Variants in RREB1 observed in about 807,000 individuals in gnomAD.
The protein encoded by RREB1 is ras-responsive element-binding protein 1.
A neutral mutation model predicts 117.8 loss-of-function variants in RREB1; 27 were observed. The ratio of observed to expected loss-of-function variants is 0.23; its 90% CI spans 0.17 to 0.32. RREB1 has a LOEUF of 0.32. Among genes scored for constraint, RREB1 ranks in the 10% least tolerant of loss-of-function variants. The pLI is 1.00. For synonymous variants in RREB1, 1,298 were observed against 1,026.7 expected (o/e 1.26, Z -5.05); for missense variants, 2,577 against 2,378.2 (o/e 1.08, Z -1.74).
chr6:7,139,968 TTAAC>T (rs1561739304), intron 1 of RREB1, among the ~76,000 whole-genome samples: 1 of 152,238 alleles, frequency 6.6e-6, no homozygotes, highest in East Asian at 1.9e-4. Flanking sequence ...TCAGTAAACA[TTAAC>T]TACTTTTATC....
At chr6:7,185,521 G>GGCGGAGGTTGC (rs1423709154) in intron 4 of RREB1, among the ~76,000 whole-genome samples, 4 of 152,074 alleles carry the variant, frequency 2.6e-5, no homozygotes, top group Admixed American at 6.5e-5. Context: ...AGTGAGCCAA[G>GGCGGAGGTTGC]ATCGTGCCAC....
chr6:7,238,301 A>G (rs1249737163), intron 10 of RREB1, among the ~76,000 whole-genome samples: 2 of 152,196 alleles, frequency 1.3e-5, no homozygotes, highest in African/African-American at 4.8e-5. Context: ...GCAGTGGCAC[A>G]ATCTCTGCTC....
At chr6:7,164,177 G>T (rs1241625471) in intron 1 of RREB1, among the ~76,000 whole-genome samples, 3 of 152,194 alleles carry the variant, frequency 2.0e-5, no homozygotes, top group Non-Finnish European at 4.4e-5. Flanking sequence ...CTCCATTCTG[G>T]AGAGTTGGCG....
chr6:7,175,013 T>A (rs1482769576), intron 1 of RREB1, among the ~76,000 whole-genome samples: 2 of 152,188 alleles, frequency 1.3e-5, no homozygotes, highest in South Asian at 4.1e-4. Flanking sequence ...TATTTGGAGA[T>A]CTTGGCAGTT....
At chr6:7,167,024 C>G (rs1431184070) in intron 1 of RREB1, among the ~76,000 whole-genome samples, 4 of 152,196 alleles carry the variant, frequency 2.6e-5, no homozygotes, top group African/African-American at 9.7e-5. Flanking sequence ...CCAGAACACT[C>G]CCATTTCTAC....
intron 1 of RREB1, among the ~76,000 whole-genome samples, chr6:7,164,973 G>A (rs1454076619): frequency 1.3e-5 from 2 of 152,198 alleles, no homozygotes; most frequent in Non-Finnish European, 1.5e-5. Context: ...CTAACTTCTC[G>A]GGTTTCTGGA....
intron 1 of RREB1, among the ~76,000 whole-genome samples, chr6:7,128,220 AAC>A (rs1762016962): frequency 6.6e-6 from 1 of 152,156 alleles, no homozygotes; most frequent in African/African-American, 2.4e-5. Flanking sequence ...CATCACTGAA[AAC>A]AGATTGTTTC....
At chr6:7,116,225 C>T (rs1761390954) in intron 1 of RREB1, among the ~76,000 whole-genome samples, 1 of 152,302 alleles carries the variant, frequency 6.6e-6, no homozygotes, top group South Asian at 2.1e-4. Context: ...AATTTCTAGT[C>T]TCAGCTCTTG....
At chr6:7,242,759 C>T (rs1768794708) in intron 11 of RREB1, among the ~76,000 whole-genome samples, 1 of 150,912 alleles carries the variant, frequency 6.6e-6, no homozygotes, top group African/African-American at 2.4e-5. Context: ...GGCTTGTATG[C>T]CTAGGTGGCA....
At chr6:7,142,830 G>T (rs1762675683) in intron 1 of RREB1, among the ~76,000 whole-genome samples, 1 of 152,222 alleles carries the variant, frequency 6.6e-6, no homozygotes, top group Non-Finnish European at 1.5e-5. Flanking sequence ...ACCTTTGGTG[G>T]TCGCTTTTCT....
rs1764803397 is a variant in RREB1 at position 7,181,718 on chromosome 6, A to G, written c.-42-152A>G. The G allele has an allele frequency of 8.7e-6, 6 of 686,410 alleles. 1 individual carries two copies. Among genetic ancestry groups the G allele is most frequent in the South Asian group, 6.7e-5 (4 of 59,974 alleles). The allele number at this position is 686,410 out of a possible 1,614,324, so 42.5% of individuals were successfully genotyped here. ...CTTGGTTTAAATGAAAGCTTCCATC[A>G]CTCTGGGCGTGAATGTGGCCTTTAA... is the stretch of plus-strand genomic sequence containing the variant. On this transcript the variant is annotated intron_variant, in intron 3 of 12. Transcript: ENST00000379938.
chr6:7,239,650 C>A (rs1343857849), intron 10 of RREB1, among the ~76,000 whole-genome samples: 1 of 152,196 alleles, frequency 6.6e-6, no homozygotes, highest in East Asian at 1.9e-4. Flanking sequence ...GCAGGGCTGC[C>A]AAAATGTCCT....
In RREB1 at chr6:7,251,000, T is replaced by C. The variant is rs1174381579; in HGVS notation, c.*2032T>C. 1 of 151,966 alleles carries C rather than the reference T, an allele frequency of 6.6e-6. No individual in the cohort carries two copies. Among genetic ancestry groups the C allele is most frequent in the East Asian group, 1.9e-4 (1 of 5,194 alleles). 9.4% of individuals were successfully genotyped at this position (151,966 alleles called of 1,614,324 possible). A position where few individuals can be genotyped will look rare whatever the true frequency, so the allele number is the denominator to read the frequency against. On this transcript the variant is annotated 3_prime_UTR_variant, in exon 13 of 13. Transcript: ENST00000379938. ...ATTATTATTATTATTACAGTTGTTA[T>C]TGTTGTTTTTGTTGTTATTATTATT...
At chr6:7,219,814 G>C (rs542930102) in intron 8 of RREB1, among the ~76,000 whole-genome samples, 15 of 152,252 alleles carry the variant, frequency 9.9e-5, no homozygotes, top group African/African-American at 3.6e-4. Context: ...TACATACCAG[G>C]GGCCATGTAG....
intron 6 of RREB1, among the ~76,000 whole-genome samples, chr6:7,192,050 A>C (rs967512346): frequency 2.7e-5 from 4 of 147,116 alleles, no homozygotes; most frequent in African/African-American, 1.0e-4. Flanking sequence ...AGTTTGAGAA[A>C]GTTTCTTTCT....
chr6:7,202,467 G>A (rs1766040620), intron 6 of RREB1, among the ~76,000 whole-genome samples: 2 of 152,168 alleles, frequency 1.3e-5, no homozygotes, highest in Admixed American at 6.5e-5. Context: ...TGGGGATTGG[G>A]GTGTATGATT....
intron 1 of RREB1, among the ~76,000 whole-genome samples, chr6:7,130,692 C>G (rs185680127): frequency 6.6e-6 from 1 of 151,680 alleles, no homozygotes; most frequent in Non-Finnish European, 1.5e-5. Flanking sequence ...TCTTGGCTCA[C>G]TGCAACCTCT....
chr6:7,123,610 C>CTTTT (rs5874079), intron 1 of RREB1, among the ~76,000 whole-genome samples: 2 of 122,850 alleles, frequency 1.6e-5, no homozygotes, highest in Non-Finnish European at 3.3e-5. Context: ...TGTGATGTGT[C>CTTTT]TTTTTTTTTT....
intron 1 of RREB1, among the ~76,000 whole-genome samples, chr6:7,109,969 G>C (rs1581392713): frequency 6.6e-6 from 1 of 152,302 alleles, no homozygotes; most frequent in Non-Finnish European, 1.5e-5. Flanking sequence ...TTAGATTTAA[G>C]CTTAGCTCTT....
Sources: allele counts gnomAD v4.1 joint callset (sites outside exome capture counted in the v4.1 genomes callset), GRCh38; gene constraint gnomAD v4.1.1; transcripts MANE v1.5; gene names NCBI Gene and HGNC (gene_info 2026-07-23, HGNC 2026-07-21).